Variants in DST observed in about 807,000 individuals in gnomAD.
The protein encoded by DST is dystonin, also known as bullous pemphigoid antigen.
A neutral mutation model predicts 875.2 loss-of-function variants in DST; 253 were observed. That is an observed-to-expected ratio of 0.29 (90% CI 0.26 to 0.32). DST has a LOEUF of 0.32. Ranked by LOEUF, DST falls within the 10% of genes least tolerant of loss-of-function variation. The probability of loss-of-function intolerance (pLI) is 1.00; values close to 1 mark genes in which losing one functional copy is unlikely to be tolerated. For missense variants in DST, 8,287 were observed against 9,111.6 expected (o/e 0.91, Z 3.68); for synonymous variants, 3,124 against 3,197.1 (o/e 0.98, Z 0.77).
intron 10 of DST, among the ~76,000 whole-genome samples, chr6:56,668,532 A>C (rs942393042): frequency 1.3e-5 from 2 of 152,120 alleles, no homozygotes; most frequent in Non-Finnish European, 2.9e-5. Flanking sequence ...ACCTGAGGTA[A>C]GGAGTTCAAG....
At chr6:56,542,227 T>C (rs1339404487) in intron 61 of DST, among the ~76,000 whole-genome samples, 1 of 145,170 alleles carries the variant, frequency 6.9e-6, no homozygotes, top group African/African-American at 2.7e-5. Context: ...TTCTTTTACT[T>C]TTTTTTTTTG....
chr6:56,724,866 A>C (rs1403233444), intron 5 of DST, among the ~76,000 whole-genome samples: 2 of 152,230 alleles, frequency 1.3e-5, no homozygotes, highest in African/African-American at 4.8e-5. Context: ...ATAAAAAAGC[A>C]ATCAGGACCA....
Position 56,569,953 on chromosome 6 carries a change from G to T in DST, c.13781C>A (p.Ser4594Ter). The T allele has an allele frequency of 6.2e-7, 1 of 1,608,698 alleles. No homozygotes were observed. Among genetic ancestry groups the T allele is most frequent in the South Asian group, 1.1e-5 (1 of 89,046 alleles). Residue 4594 changes from serine to a stop codon, truncating the protein, a stop_gained, in exon 54 of 104, where the codon TCA becomes TAA. Transcript: ENST00000680361. LOFTEE classifies it high-confidence loss of function. ...QLDAFQVLVK[S>*]LKSWIKETTK... ...TGTTTCTTTTATCCATGACTTCAAT[G>T]ATTTAACAAGAACTTGGAAAGCATC...
chr6:56,615,958 A>C, intron 36 of DST: 1 of 1,614,218 alleles, frequency 6.2e-7, no homozygotes, highest in Non-Finnish European at 8.5e-7. Flanking sequence ...CTCTATGCAA[A>C]GCTTCGGCCA....
At chr6:56,747,766 T>C (rs1475628502) in intron 4 of DST, among the ~76,000 whole-genome samples, 1 of 152,186 alleles carries the variant, frequency 6.6e-6, no homozygotes, top group Non-Finnish European at 1.5e-5. Context: ...ATAAATTCAA[T>C]AAGCATCATT....
At chr6:56,634,366 T>C (rs547214227) in intron 26 of DST, 96 bp downstream of exon 26, 55 of 1,608,002 alleles carry the variant, frequency 3.4e-5, no homozygotes, top group Non-Finnish European at 4.2e-5. Context: ...CTAGAGACTT[T>C]TGATCCTGTG....
At chr6:56,568,361 G>C (rs778799808) in intron 55 of DST, 108 bp downstream of exon 55, 1 of 1,211,556 alleles carries the variant, frequency 8.3e-7, no homozygotes, top group Non-Finnish European at 1.1e-6. Flanking sequence ...CTTTCACTTT[G>C]TATTTCTGAG....
intron 10 of DST, among the ~76,000 whole-genome samples, chr6:56,653,339 C>G (rs761122453): frequency 6.6e-6 from 1 of 152,082 alleles, no homozygotes; most frequent in Non-Finnish European, 1.5e-5. Context: ...CACTAAAAGA[C>G]AGCAGATAAA....
In DST at chr6:56,471,141, G is replaced by A. The variant is rs747578451; in HGVS notation, c.22286C>T (p.Thr7429Met). The A allele has an allele frequency of 6.2e-6, 10 of 1,611,108 alleles. No individual in the cohort carries two copies. The highest frequency in any genetic ancestry group is 1.3e-5 in the African/African-American group (1 of 74,812). ...RIDKDQDGKI[T>M]RQEFIDGILS... is the part of the protein sequence containing the mutation. The stretch of plus-strand genomic sequence containing the variant: ...AATTCCATCAATAAATTCCTGCCGC[G>A]TTATTTTCCCATCCTGGTCTTTATC... Residue 7429 changes from threonine (T) to methionine (M), a missense_variant, in exon 95 of 104, where the codon ACG becomes ATG. Around this residue, in one of 10 missense-constraint regions of DST, gnomAD observed 87 missense variants for 209.7 expected, o/e 0.41. Coordinates refer to ENST00000680361, the MANE Select transcript of DST (RefSeq NM_001374736.1).
chr6:56,476,120 A>C, intron 92 of DST, 29 bp downstream of exon 92: 1 of 1,544,114 alleles, frequency 6.5e-7, no homozygotes, highest in East Asian at 2.3e-5. Context: ...GATAATGGTT[A>C]ACAGGAGTTA....
chr6:56,874,507 T>G (rs746522778), intron 3 of DST, among the ~76,000 whole-genome samples: 18 of 152,358 alleles, frequency 1.2e-4, no homozygotes, highest in Middle Eastern at 6.8e-3. Context: ...GTTCATTTAA[T>G]AGCTCACAAA....
intron 47 of DST, among the ~76,000 whole-genome samples, chr6:56,595,545 C>CTGAGTA (rs151248605): frequency 0.033 from 4,992 of 152,194 alleles, 252 homozygotes; most frequent in African/African-American, 0.11. Flanking sequence ...CACACAGGAG[C>CTGAGTA]TGAGTAAGAA....
chr6:56,615,378 T>C, intron 36 of DST: 1 of 1,524,244 alleles, frequency 6.6e-7, no homozygotes, highest in Non-Finnish European at 8.8e-7. Context: ...TTTTGAGCAC[T>C]TAGCAATTTG....
intron 57 of DST, among the ~76,000 whole-genome samples, chr6:56,560,858 G>T (rs555332158): frequency 9.9e-5 from 15 of 152,242 alleles, no homozygotes; most frequent in Non-Finnish European, 2.1e-4. Context: ...GTAATTTGTA[G>T]AAATCTTGCC....
chr6:56,928,344 T>C (rs541079047), intron 2 of DST, among the ~76,000 whole-genome samples: 1 of 152,166 alleles, frequency 6.6e-6, no homozygotes, highest in East Asian at 1.9e-4. Flanking sequence ...GTGCCCCCTA[T>C]TGACGCAGCC....
chr6:56,763,156 A>G (rs2099621757), intron 4 of DST, among the ~76,000 whole-genome samples: 1 of 152,038 alleles, frequency 6.6e-6, no homozygotes. Flanking sequence ...AGCCGAGAAC[A>G]TTACCTTTAT....
rs201155576 is a variant in DST, at chr6:56,512,053, C to CTA, written c.18577-655_18577-654dup. Among the ~76,000 whole-genome samples, 1,509 of 151,678 alleles carry CTA rather than the reference C, an allele frequency of 9.9e-3. 26 individuals carry two copies. The highest frequency in any genetic ancestry group is 0.034 in the African/African-American group (1,394 of 41,338). On this transcript the variant is annotated intron_variant, in intron 72 of 103. Coordinates refer to ENST00000680361, the MANE Select transcript of DST (RefSeq NM_001374736.1). ...TTTTATATTTATGTATGAATCTATT[C>CTA]TATATATATATGATATATAGACACA...
chr6:56,916,778 T>TCACA (rs70989742), intron 2 of DST, among the ~76,000 whole-genome samples: 6,991 of 91,242 alleles, frequency 0.077, 311 homozygotes, highest in South Asian at 0.12. Flanking sequence ...TCTCTCTCTC[T>TCACA]CACACACACA....
At chr6:56,581,808 G>A (rs990625669) in intron 49 of DST, among the ~76,000 whole-genome samples, 1 of 152,058 alleles carries the variant, frequency 6.6e-6, no homozygotes, top group Non-Finnish European at 1.5e-5. Flanking sequence ...TTTCCATCTG[G>A]ATGTATGCAG....
Sources: gnomAD v4.1 joint callset for allele counts (sites outside exome capture counted in the v4.1 genomes callset) on GRCh38, gnomAD v4.1.1 for gene constraint, gnomAD v4.1.1 regional missense constraint, MANE v1.5 for transcripts, NCBI Gene and HGNC (gene_info 2026-07-23, HGNC 2026-07-21) for gene names.